The following MTERF4 variants were observed in gnomAD, a reference collection of about 807,000 sequenced individuals.
MTERF4 encodes the protein mitochondrial transcription termination factor 4, also known as transcription termination factor 4, mitochondrial.
In MTERF4, 17 loss-of-function variants were observed where a neutral mutation model predicts 22.5. The observed-to-expected ratio is 0.75, with a 90% CI of 0.52 to 1.13. The LOEUF is 1.13. MTERF4 is among the 50% of genes most tolerant of loss of function. The probability of loss-of-function intolerance (pLI) is 0.00; values close to 1 mark genes in which losing one functional copy is unlikely to be tolerated. For synonymous variants in MTERF4, 165 were observed against 175.3 expected, an observed-to-expected ratio of 0.94 and a Z score of 0.47; for missense variants, 420 against 466.8, an observed-to-expected ratio of 0.90 and a Z score of 0.92.
chr2:241,077,533 G>A (rs567709645), intron 4 of MTERF4, among the ~76,000 whole-genome samples: 7 of 152,086 alleles, frequency 4.6e-5, no homozygotes, highest in Middle Eastern at 3.4e-3. Flanking sequence ...AGAGACCCGC[G>A]TCTAAAATAA....
At chr2:241,085,860 CTTTTTT>C (rs772995766), downstream of MTERF4, among the ~76,000 whole-genome samples, 5 of 79,192 alleles carry the variant, frequency 6.3e-5, no homozygotes, top group African/African-American at 1.5e-4. Context: ...TCTGCGGTTT[CTTTTTT>C]TTTTTTTTTT....
the MTERF4 span, among the ~76,000 whole-genome samples, chr2:241,043,075 C>T: frequency 6.6e-6 from 1 of 151,918 alleles, no homozygotes; most frequent in Non-Finnish European, 1.5e-5. Flanking sequence ...TTGGAGTCTG[C>T]GAAGGAGGAT....
Position 241,099,450 on chromosome 2 carries a change from TAGGC to T in MTERF4, c.462_465del (p.Pro155LeufsTer4), listed in dbSNP as rs2064601098. ...CTGGAGCGCTTCCTCATTTGCATAATAGGCAGTTTCAATAACTGGGGACTTTTCT... is the reference window on the plus strand; with the variant it reads ...CTGGAGCGCTTCCTCATTTGCATAATAGTTTCAATAACTGGGGACTTTTCT... On this transcript the variant is annotated frameshift_variant, in exon 2 of 4. Coordinates refer to ENST00000391980, the MANE Select transcript of MTERF4 (RefSeq NM_182501.4). LOFTEE classifies it high-confidence loss of function. The T allele has an allele frequency of 6.2e-7, 1 of 1,614,070 alleles. No homozygotes were observed. The highest frequency in any genetic ancestry group is 1.3e-5 in the African/African-American group (1 of 74,926).
At chr2:241,067,385 C>T (rs972351934), downstream of MTERF4, among the ~76,000 whole-genome samples, 8 of 152,206 alleles carry the variant, frequency 5.3e-5, no homozygotes, top group Non-Finnish European at 1.0e-4. Flanking sequence ...CGGATGTGTG[C>T]TCTTAGACCA....
chr2:241,082,864 C>T (rs73010048), downstream of MTERF4, among the ~76,000 whole-genome samples: 1,476 of 152,078 alleles, frequency 9.7e-3, 20 homozygotes, highest in African/African-American at 0.033. Context: ...ATGACTCTGT[C>T]GGTCACACAG....
rs191495144 is a variant in MTERF4 at position 241,096,785 on chromosome 2, G to A, written c.706-347C>T. 6.6e-5 allele frequency: 34 copies of A among 517,918 alleles called. No homozygotes were observed. Among genetic ancestry groups the A allele is most frequent in the African/African-American group, 4.1e-4 (21 of 51,672 alleles). 32.1% of individuals were successfully genotyped at this position (517,918 alleles called of 1,614,324 possible). On this transcript the variant is annotated intron_variant, in intron 3 of 3. Transcript: ENST00000391980. This position sits in a 1 kb window ranked among gnomAD's most constrained non-coding sequence, Gnocchi z 5.1. Reference sequence around the variant, plus strand: ...ACATTCAGAAAACATCTAGAAATTCGACCTAAGTTGTCATAATTATTACCA... The same window carrying A: ...ACATTCAGAAAACATCTAGAAATTCAACCTAAGTTGTCATAATTATTACCA...
At chr2:241,055,484 C>G in the MTERF4 span, among the ~76,000 whole-genome samples, 1 of 152,198 alleles carries the variant, frequency 6.6e-6, no homozygotes, top group Middle Eastern at 3.4e-3. Context: ...CTGAAGAGAT[C>G]CATTTGGTTA....
chr2:241,085,104 C>T (rs941092094), downstream of MTERF4, among the ~76,000 whole-genome samples: 1 of 151,868 alleles, frequency 6.6e-6, no homozygotes, highest in Non-Finnish European at 1.5e-5. Context: ...GGTATGGCTA[C>T]GTTTTGATTC....
At chr2:241,078,034 T>G (rs546325236) in intron 4 of MTERF4, among the ~76,000 whole-genome samples, 2 of 152,120 alleles carry the variant, frequency 1.3e-5, no homozygotes, top group Non-Finnish European at 2.9e-5. Context: ...CAAATATTTA[T>G]AGCAGCACAG....
chr2:241,084,191 C>T (rs1233924035), downstream of MTERF4, among the ~76,000 whole-genome samples: 3 of 143,706 alleles, frequency 2.1e-5, no homozygotes, highest in African/African-American at 8.0e-5. Flanking sequence ...GGCTGGAGTG[C>T]GATGGTGCGA....
In MTERF4 at chr2:241,073,450, C is replaced by T. The variant is rs138390737; in HGVS notation, n.2712G>A. ...GGCTGCAGGCAGGAGGGACCACCCA[C>T]GGTGAGGAATCAGGAGGCACAGAGC... is the stretch of plus-strand genomic sequence containing the variant. On this transcript the variant is annotated non_coding_transcript_exon_variant, in exon 5 of 5. Coordinates refer to the MTERF4 transcript ENST00000464344. This position sits in a 1 kb window ranked among gnomAD's most constrained non-coding sequence, Gnocchi z 6.6. 9.5e-4 allele frequency: 1,055 copies of T among 1,114,368 alleles called. 7 individuals are homozygous for T. In the African/African-American group the frequency reaches 0.014, roughly 15 times the overall value. The allele number at this position is 1,114,368 out of a possible 1,614,324, so 69.0% of individuals were successfully genotyped here. A position where few individuals can be genotyped will look rare whatever the true frequency, so the allele number is the denominator to read the frequency against.
chr2:241,083,321 G>T (rs77869830), downstream of MTERF4, among the ~76,000 whole-genome samples: 1,878 of 152,256 alleles, frequency 0.012, 138 homozygotes, highest in Admixed American at 0.1. Context: ...AGTGGTGAGA[G>T]GTGAGGGACA....
downstream of MTERF4, among the ~76,000 whole-genome samples, chr2:241,084,668 G>T (rs1196342211): frequency 1.3e-5 from 2 of 152,150 alleles, no homozygotes; most frequent in Non-Finnish European, 2.9e-5. Flanking sequence ...TTTAGATATT[G>T]AAAGTAAAGT....
chr2:241,057,809 A>G, the MTERF4 span, among the ~76,000 whole-genome samples: 4 of 152,244 alleles, frequency 2.6e-5, no homozygotes, highest in African/African-American at 9.6e-5. Flanking sequence ...CTTAGCAAAA[A>G]AAAGTGTCCT....
At chr2:241,091,299 G>A (rs1484495223), downstream of MTERF4, among the ~76,000 whole-genome samples, 3 of 152,230 alleles carry the variant, frequency 2.0e-5, no homozygotes, top group African/African-American at 4.8e-5. The surrounding 1 kb of genome is among the most constrained non-coding windows in gnomAD (Gnocchi z 4.1). Context: ...ACCCAGAGTC[G>A]TTACCGGAAG....
chr2:241,089,400 C>T (rs1250496958), downstream of MTERF4: 1 of 1,550,336 alleles, frequency 6.5e-7, no homozygotes, highest in African/African-American at 1.4e-5. Context: ...ATTCAGGAAC[C>T]TTTAAAAACA....
At chr2:241,078,573 A>C (rs1443931330) in intron 4 of MTERF4, among the ~76,000 whole-genome samples, 2 of 151,724 alleles carry the variant, frequency 1.3e-5, no homozygotes, top group Admixed American at 6.6e-5. Context: ...CATTCATATG[A>C]AAGTCCAGCA....
intron 4 of MTERF4, among the ~76,000 whole-genome samples, chr2:241,078,863 C>G (rs974872753): frequency 6.6e-6 from 1 of 152,068 alleles, no homozygotes; most frequent in Non-Finnish European, 1.5e-5. Context: ...CCTGTAATCC[C>G]AGCACTTTGG....
At chr2:241,099,251 T>A in intron 2 of MTERF4, 145 bp downstream of exon 2, 1 of 882,508 alleles carries the variant, frequency 1.1e-6, no homozygotes, top group Admixed American at 2.8e-5. Context: ...ATTTTTCTAT[T>A]TTTAGTTGAG....
Sources: gnomAD v4.1 joint callset for allele counts (sites outside exome capture counted in the v4.1 genomes callset) on GRCh38, gnomAD v4.1.1 for gene constraint, Gnocchi (gnomAD v3.1) non-coding constraint, MANE v1.5 for transcripts, NCBI Gene and HGNC (gene_info 2026-07-23, HGNC 2026-07-21) for gene names.